The following SRPK2 variants were observed in gnomAD, a reference collection of about 807,000 sequenced individuals.
SRPK2 encodes the protein SFRS protein kinase 2.
Under a neutral mutation model 90.8 loss-of-function variants are expected in SRPK2, and 21 were observed. That is an observed-to-expected ratio of 0.23 (90% CI 0.16 to 0.33). The LOEUF is 0.33. Among genes scored for constraint, SRPK2 ranks in the 10% least tolerant of loss-of-function variants. The pLI, the probability that SRPK2 is intolerant of heterozygous loss-of-function variation, is 1.00. For missense variants in SRPK2, 620 were observed against 869.0 expected (o/e 0.71, Z 3.60); for synonymous variants, 288 against 311.1 (o/e 0.93, Z 0.78).
intron 2 of SRPK2, among the ~76,000 whole-genome samples, chr7:105,383,240 AT>A (rs879554254): frequency 9.5e-4 from 132 of 138,614 alleles, no homozygotes; most frequent in Non-Finnish European, 9.9e-4. Flanking sequence ...AATTTTTTGT[AT>A]TTTTTTTTTT....
At chr7:105,318,162 T>G (rs1299176233) in intron 2 of SRPK2, among the ~76,000 whole-genome samples, 1 of 152,242 alleles carries the variant, frequency 6.6e-6, no homozygotes, top group Non-Finnish European at 1.5e-5. Flanking sequence ...TGGTGTGATC[T>G]CAGCTCACTG....
At chr7:105,149,613 G>A (rs567460782) in intron 7 of SRPK2, among the ~76,000 whole-genome samples, 58 of 151,892 alleles carry the variant, frequency 3.8e-4, no homozygotes, top group Non-Finnish European at 6.6e-4. Context: ...TCAGTCTCTC[G>A]TCCCACCCGA....
chr7:105,383,858 C>G (rs1821238380), intron 2 of SRPK2, among the ~76,000 whole-genome samples: 1 of 152,082 alleles, frequency 6.6e-6, no homozygotes, highest in Admixed American at 6.6e-5. Flanking sequence ...TCTAAGGAAA[C>G]CAGACAAAGC....
At chr7:105,331,321 A>AAAAC (rs1814325535) in intron 2 of SRPK2, among the ~76,000 whole-genome samples, 1 of 132,554 alleles carries the variant, frequency 7.5e-6, no homozygotes, top group Non-Finnish European at 1.6e-5. Flanking sequence ...AAAAAAAAAA[A>AAAAC]AAAAAAAAAA....
chr7:105,346,344 T>G (rs572939821), intron 2 of SRPK2, among the ~76,000 whole-genome samples: 26 of 152,048 alleles, frequency 1.7e-4, no homozygotes, highest in African/African-American at 5.8e-4. Flanking sequence ...ATCACATAAC[T>G]CTCTATGATG....
chr7:105,261,535 AAAAG>A (rs1264626906), intron 2 of SRPK2, among the ~76,000 whole-genome samples: 6 of 152,146 alleles, frequency 3.9e-5, no homozygotes, highest in Non-Finnish European at 7.4e-5. Flanking sequence ...CTCAAAAAAA[AAAAG>A]AAAGAAAAAA....
chr7:105,302,878 GAC>G (rs1190933396), intron 2 of SRPK2, among the ~76,000 whole-genome samples: 3 of 151,766 alleles, frequency 2.0e-5, no homozygotes, highest in African/African-American at 7.3e-5. Context: ...TATTGTTGAA[GAC>G]ACTGATTTTA....
intron 3 of SRPK2, among the ~76,000 whole-genome samples, chr7:105,200,030 G>A (rs946260752): frequency 3.3e-5 from 5 of 152,162 alleles, no homozygotes; most frequent in South Asian, 2.1e-4. Flanking sequence ...GACCGGGCAT[G>A]GTGGTTCACA....
At chr7:105,214,513 C>T (rs1797214114) in intron 2 of SRPK2, among the ~76,000 whole-genome samples, 1 of 152,108 alleles carries the variant, frequency 6.6e-6, no homozygotes, top group Admixed American at 6.5e-5. Context: ...ATATTGGGAT[C>T]TAAATGTCTA....
chr7:105,358,223 C>CAAAAAA (rs976713048), intron 2 of SRPK2, among the ~76,000 whole-genome samples: 5 of 53,640 alleles, frequency 9.3e-5, no homozygotes, highest in African/African-American at 1.7e-4. Flanking sequence ...GACTCCGTCT[C>CAAAAAA]AAAAAAAAAA....
upstream of SRPK2, chr7:105,388,983 C>T: frequency 9.5e-7 from 1 of 1,049,970 alleles, no homozygotes; most frequent in Non-Finnish European, 1.1e-6. Context: ...CGTCCGGCCC[C>T]GCCCCCGCCC....
chr7:105,197,103 G>T (rs1795011185), intron 3 of SRPK2, among the ~76,000 whole-genome samples: 1 of 151,986 alleles, frequency 6.6e-6, no homozygotes, highest in African/African-American at 2.4e-5. Context: ...TGGGGGGCAG[G>T]GAGGGAAGGA....
chr7:105,181,049 G>A (rs1202517277), intron 3 of SRPK2, among the ~76,000 whole-genome samples: 1 of 152,162 alleles, frequency 6.6e-6, no homozygotes, highest in Non-Finnish European at 1.5e-5. Flanking sequence ...CCATTAAAGA[G>A]TGTGCAAAGG....
At chr7:105,356,390 T>C (rs532403708) in intron 2 of SRPK2, among the ~76,000 whole-genome samples, 7 of 152,112 alleles carry the variant, frequency 4.6e-5, no homozygotes, top group Non-Finnish European at 7.4e-5. Flanking sequence ...ATACAAAAAC[T>C]GAGGCCCATT....
chr7:105,368,752 G>A (rs1444031323), intron 2 of SRPK2, among the ~76,000 whole-genome samples: 1 of 152,046 alleles, frequency 6.6e-6, no homozygotes, highest in Non-Finnish European at 1.5e-5. Context: ...AGGCATGGTG[G>A]CGCATGCCTG....
At chr7:105,387,979 C>G (rs1015000769) in intron 2 of SRPK2, among the ~76,000 whole-genome samples, 11 of 152,172 alleles carry the variant, frequency 7.2e-5, no homozygotes, top group African/African-American at 2.7e-4. Flanking sequence ...GCCCGCGACC[C>G]CGGCGCCCGC....
chr7:105,222,864 A>T (rs1368878916), intron 2 of SRPK2, among the ~76,000 whole-genome samples: 2 of 152,226 alleles, frequency 1.3e-5, no homozygotes, highest in Non-Finnish European at 2.9e-5. Flanking sequence ...ATTAGCAGAG[A>T]AATTTATAAT....
intron 2 of SRPK2, among the ~76,000 whole-genome samples, chr7:105,237,022 T>C (rs1168099752): frequency 1.3e-5 from 2 of 152,218 alleles, no homozygotes; most frequent in Non-Finnish European, 2.9e-5. Flanking sequence ...GTCAAGTTTG[T>C]GTAAAGACAG....
intron 2 of SRPK2, among the ~76,000 whole-genome samples, chr7:105,307,828 C>G (rs967058471): frequency 6.6e-6 from 1 of 152,004 alleles, no homozygotes; most frequent in Non-Finnish European, 1.5e-5. Flanking sequence ...ATCATAGTAA[C>G]TTAACAGTGA....
Sources: allele counts gnomAD v4.1 joint callset (sites outside exome capture counted in the v4.1 genomes callset), GRCh38; gene constraint gnomAD v4.1.1; transcripts MANE v1.5; gene names NCBI Gene and HGNC (gene_info 2026-07-23, HGNC 2026-07-21).